AHCYL2: variants seen among roughly 807,000 people sequenced by gnomAD.
AHCYL2 encodes adenosylhomocysteinase like 2.
A neutral mutation model predicts 81.4 loss-of-function variants in AHCYL2; 28 were observed. The ratio of observed to expected loss-of-function variants is 0.34; its 90% CI spans 0.25 to 0.47. The LOEUF is 0.47. Ranked by LOEUF, AHCYL2 falls within the 20% of genes least tolerant of loss-of-function variation. The probability of loss-of-function intolerance (pLI) is 1.00; values close to 1 mark genes in which losing one functional copy is unlikely to be tolerated. For synonymous variants in AHCYL2, 272 were observed against 290.2 expected, an observed-to-expected ratio of 0.94 and a Z score of 0.64; for missense variants, 551 against 785.1, an observed-to-expected ratio of 0.70 and a Z score of 3.56.
At chr7:129,230,688 T>C (rs1362193126) in intron 1 of AHCYL2, among the ~76,000 whole-genome samples, 1 of 151,522 alleles carries the variant, frequency 6.6e-6, no homozygotes, top group Non-Finnish European at 1.5e-5. Context: ...TTCTTCTGCC[T>C]CAGCCTCCCG....
chr7:129,395,013 T>C (rs1029277762), intron 4 of AHCYL2, among the ~76,000 whole-genome samples: 1 of 152,208 alleles, frequency 6.6e-6, no homozygotes, highest in African/African-American at 2.4e-5. Flanking sequence ...GTTTTTTTTT[T>C]TACTTTTTGT....
intron 1 of AHCYL2, among the ~76,000 whole-genome samples, chr7:129,240,812 T>A (rs572419525): frequency 2.2e-4 from 33 of 152,270 alleles, no homozygotes; most frequent in African/African-American, 7.2e-4. Flanking sequence ...GAACTCATAC[T>A]GAGTCCTCTG....
In AHCYL2 at chr7:129,419,743, A is replaced by C. The variant is rs79870317; in HGVS notation, c.1462-3097A>C. Among the ~76,000 whole-genome samples the C allele has an allele frequency of 0.083, 12,682 of 152,164 alleles. 742 individuals are homozygous for C. Among genetic ancestry groups the C allele is most frequent in the South Asian group, 0.19 (902 of 4,816 alleles). On this transcript the variant is annotated intron_variant, in intron 12 of 16. Coordinates refer to ENST00000325006, the MANE Select transcript of AHCYL2 (RefSeq NM_015328.4). This position sits in a 1 kb window ranked among gnomAD's most constrained non-coding sequence, Gnocchi z 4.7. ...ACAGTTGTTCTCCCTGAAAAAAAAA[A>C]AACAAAAAAAAACCGGATATGCACT...
At position 129,368,248 on chromosome 7, in the gene AHCYL2, T is replaced by C; in HGVS notation, c.364-11390T>C. On this transcript the variant is annotated intron_variant, in intron 1 of 16. Transcript: ENST00000325006. The surrounding 1 kb of genome is among the most constrained non-coding windows in gnomAD (Gnocchi z 4.4). Reference sequence around the variant, plus strand: ...CAGTGCCTGGGTGCAGCACTTTGCATCAGCTCTGATTTTGAAATCAGACAC... The same window carrying C: ...CAGTGCCTGGGTGCAGCACTTTGCACCAGCTCTGATTTTGAAATCAGACAC... The C allele has an allele frequency of 7.2e-7, 1 of 1,386,086 alleles. No individual in the cohort carries two copies. Among genetic ancestry groups the C allele is most frequent in the Non-Finnish European group, 9.3e-7 (1 of 1,070,502 alleles). 85.9% of individuals were successfully genotyped at this position (1,386,086 alleles called of 1,614,324 possible). A position where few individuals can be genotyped will look rare whatever the true frequency, so the allele number is the denominator to read the frequency against.
At chr7:129,376,741 G>C (rs998458924) in intron 1 of AHCYL2, among the ~76,000 whole-genome samples, 1 of 152,176 alleles carries the variant, frequency 6.6e-6, no homozygotes, top group African/African-American at 2.4e-5. Context: ...TGGTTGTGTT[G>C]GGGTTGTGTT....
At chr7:129,282,682 T>C (rs1337642338) in intron 1 of AHCYL2, among the ~76,000 whole-genome samples, 2 of 152,200 alleles carry the variant, frequency 1.3e-5, no homozygotes, top group Non-Finnish European at 2.9e-5. Context: ...TTGATTTTTT[T>C]CTTCTTCATG....
chr7:129,238,789 A>G (rs954459537), intron 1 of AHCYL2, among the ~76,000 whole-genome samples: 1 of 152,158 alleles, frequency 6.6e-6, no homozygotes, highest in South Asian at 2.1e-4. Flanking sequence ...TGTCTCTACT[A>G]AAAATACAGA....
In AHCYL2 at chr7:129,368,744, G is replaced by A. The variant is rs1431569123; in HGVS notation, c.364-10894G>A. 6.6e-6 allele frequency among the ~76,000 whole-genome samples: 1 copy of A among 152,150 alleles called. No individual in the cohort carries two copies. Among genetic ancestry groups the A allele is most frequent in the East Asian group, 1.9e-4 (1 of 5,204 alleles). On this transcript the variant is annotated intron_variant, in intron 1 of 16. Transcript: ENST00000325006. This position sits in a 1 kb window ranked among gnomAD's most constrained non-coding sequence, Gnocchi z 4.4. ...TGTTTCTTAATTATCCACGAAGCTG[G>A]GAAAGGTGTGAGAGTTGCCTGGCCA...
intron 1 of AHCYL2, among the ~76,000 whole-genome samples, chr7:129,323,220 C>T (rs1373807713): frequency 6.6e-6 from 1 of 152,044 alleles, no homozygotes; most frequent in South Asian, 2.1e-4. Flanking sequence ...GTATTTTGTA[C>T]TATAAATTTC....
intron 1 of AHCYL2, among the ~76,000 whole-genome samples, chr7:129,299,494 C>T (rs1430290423): frequency 2.7e-5 from 4 of 146,986 alleles, no homozygotes; most frequent in African/African-American, 7.5e-5. Context: ...CCCGGGTTCA[C>T]GCCATTCTCC....
intron 12 of AHCYL2, among the ~76,000 whole-genome samples, chr7:129,420,629 G>A (rs1797071598): frequency 2.0e-5 from 3 of 151,302 alleles, no homozygotes; most frequent in South Asian, 4.2e-4. Context: ...ACAGGCGCAC[G>A]CCAACATGCC....
At chr7:129,361,487 C>T (rs1793928962) in intron 1 of AHCYL2, among the ~76,000 whole-genome samples, 2 of 152,118 alleles carry the variant, frequency 1.3e-5, no homozygotes, top group African/African-American at 4.8e-5. Flanking sequence ...TGGTACTTGG[C>T]ACATGGTAGG....
chr7:129,396,621 ACCAT>A (rs1795755987), intron 4 of AHCYL2, among the ~76,000 whole-genome samples: 1 of 151,680 alleles, frequency 6.6e-6, no homozygotes, highest in Non-Finnish European at 1.5e-5. Flanking sequence ...ATAGGGTTTC[ACCAT>A]GTTGGCCAGG....
At chr7:129,421,720 G>A (rs181175284) in intron 12 of AHCYL2, among the ~76,000 whole-genome samples, 2 of 152,256 alleles carry the variant, frequency 1.3e-5, no homozygotes, top group East Asian at 3.9e-4. Context: ...CACTAGATTG[G>A]TACTTCCTTG....
chr7:129,425,078 G>A lies in AHCYL2; in HGVS notation c.1645G>A (p.Glu549Lys). ...GCTTTTCTAGGCTCTTGCCTTGATA[G>A]AGCTTTACAATGCTCCTGAGGGTCG... ...TATTQALALIELYNAPEGRYK... is the reference protein window; with the variant it reads ...TATTQALALIKLYNAPEGRYK... Residue 549 changes from glutamate to lysine, a missense_variant, in exon 15 of 17, where the codon GAG becomes AAG. By Grantham distance (56) the Glu-to-Lys change is moderately conservative (BLOSUM62 1). Around this residue, in one of 2 missense-constraint regions of AHCYL2, gnomAD observed 316 missense variants for 543.1 expected, o/e 0.58. Transcript: ENST00000325006. The A allele has an allele frequency of 6.2e-7, 1 of 1,613,782 alleles. No individual in the cohort carries two copies. The highest frequency in any genetic ancestry group is 8.5e-7 in the Non-Finnish European group (1 of 1,179,972).
intron 1 of AHCYL2, among the ~76,000 whole-genome samples, chr7:129,294,163 T>G (rs1441800650): frequency 6.6e-6 from 1 of 152,234 alleles, no homozygotes; most frequent in Non-Finnish European, 1.5e-5. Context: ...ACAATTACTT[T>G]GTGTACCTAT....
intron 1 of AHCYL2, among the ~76,000 whole-genome samples, chr7:129,286,866 TATTG>T (rs925951716): frequency 2.4e-4 from 36 of 152,334 alleles, no homozygotes; most frequent in Non-Finnish European, 4.4e-4. Flanking sequence ...AATTTAAAAA[TATTG>T]ATTGATTGAT....
chr7:129,413,886 A>G (rs1475221805), intron 12 of AHCYL2, among the ~76,000 whole-genome samples, 198 bp downstream of exon 12: 1 of 152,144 alleles, frequency 6.6e-6, no homozygotes, highest in Non-Finnish European at 1.5e-5. Flanking sequence ...AATAATTCTA[A>G]ATGATTGTCA....
intron 1 of AHCYL2, among the ~76,000 whole-genome samples, chr7:129,246,381 C>G (rs757432105): frequency 1.9e-4 from 29 of 152,142 alleles, no homozygotes; most frequent in Non-Finnish European, 3.8e-4. Context: ...TTTAAAATCA[C>G]CTCCACAATC....
Sources: allele counts gnomAD v4.1 joint callset (sites outside exome capture counted in the v4.1 genomes callset), GRCh38; gene constraint gnomAD v4.1.1; regional missense constraint gnomAD v4.1.1; non-coding constraint Gnocchi (gnomAD v3.1); transcripts MANE v1.5; gene names NCBI Gene and HGNC (gene_info 2026-07-23, HGNC 2026-07-21).